PKHD1: variants seen among roughly 807,000 people sequenced by gnomAD.
PKHD1 encodes PKHD1 ciliary IPT domain containing fibrocystin/polyductin.
PKHD1 carries 291 observed loss-of-function variants against 412.0 expected under a neutral mutation model. That is an observed-to-expected ratio of 0.71 (90% CI 0.64 to 0.78). PKHD1 has a LOEUF of 0.78. Ranked by LOEUF, PKHD1 falls within the 30% of genes least tolerant of loss-of-function variation. The probability of loss-of-function intolerance (pLI) is 0.00; values close to 1 mark genes in which losing one functional copy is unlikely to be tolerated. For synonymous variants in PKHD1, 1,777 were observed against 1,821.5 expected (o/e 0.98, Z 0.62); for missense variants, 4,825 against 4,950.7 (o/e 0.97, Z 0.76).
At chr6:51,748,955 G>A (rs1785634574) in intron 57 of PKHD1, among the ~76,000 whole-genome samples, 1 of 152,140 alleles carries the variant, frequency 6.6e-6, no homozygotes, top group South Asian at 2.1e-4. Context: ...GCATGGCCAA[G>A]TTTAACGATT....
chr6:51,908,019 T>A (rs1483808751), intron 40 of PKHD1, among the ~76,000 whole-genome samples: 1 of 152,124 alleles, frequency 6.6e-6, no homozygotes, highest in Non-Finnish European at 1.5e-5. Flanking sequence ...AATTGATAAC[T>A]TATTTGTGAC....
intron 50 of PKHD1, among the ~76,000 whole-genome samples, chr6:51,843,566 T>A (rs990113762): frequency 2.8e-4 from 43 of 152,218 alleles, no homozygotes; most frequent in African/African-American, 1.0e-3. Flanking sequence ...TCAAATCGCA[T>A]GAAGGGAAAA....
intron 37 of PKHD1, among the ~76,000 whole-genome samples, chr6:51,928,830 G>A (rs6939222): frequency 7.2e-5 from 11 of 151,982 alleles, no homozygotes; most frequent in South Asian, 4.1e-4. Flanking sequence ...GTGGACATTC[G>A]GACCCTTGAA....
chr6:51,771,668 A>T (rs2151131317), intron 55 of PKHD1, among the ~76,000 whole-genome samples: 1 of 152,118 alleles, frequency 6.6e-6, no homozygotes, highest in South Asian at 2.1e-4. Context: ...TTACACTATA[A>T]TATTTAAATT....
At chr6:51,744,672 A>G (rs1784973923) in intron 59 of PKHD1, 130 bp from the exon 60 acceptor site, 1 of 702,302 alleles carries the variant, frequency 1.4e-6, no homozygotes, top group Non-Finnish European at 2.5e-6. Context: ...TGTTACATAG[A>G]TATAAAATAA....
rs182024652 is a variant in PKHD1, at chr6:51,705,945, A to G, written c.10156+38440T>C. 6.6e-5 allele frequency among the ~76,000 whole-genome samples: 10 copies of G among 152,306 alleles called. No homozygotes were observed. The East Asian group carries it at 1.5e-3, about 23-fold the overall frequency. The stretch of plus-strand genomic sequence containing the variant: ...TTATACACAGAGTATCAATTTTTAG[A>G]ATACAAATTCAATTAAATAAACTTA... On this transcript the variant is annotated intron_variant, in intron 60 of 66. Transcript: ENST00000371117.
chr6:51,870,737 G>A (rs1049578710), intron 46 of PKHD1, 98 bp from the exon 47 acceptor site: 17 of 966,104 alleles, frequency 1.8e-5, no homozygotes, highest in East Asian at 4.9e-5. Context: ...ATAAAAAAGC[G>A]AGCTATTGAC....
chr6:52,051,390 T>C (rs765621141), intron 21 of PKHD1, among the ~76,000 whole-genome samples: 4 of 152,234 alleles, frequency 2.6e-5, no homozygotes, highest in Non-Finnish European at 5.9e-5. Context: ...TGAGATCAGA[T>C]AAATGATATA....
Position 51,807,437 on chromosome 6 carries a change from CAAAAAAA to C in PKHD1, c.8303-16071_8303-16065del, listed in dbSNP as rs1174429085. On this transcript the variant is annotated intron_variant, in intron 52 of 66. Transcript: ENST00000371117. Reference sequence around the variant, plus strand: ...TGGGCAACAGAGCGAGACTCTGTCTCAAAAAAAAAAAAAAAAAAAAAATATATATATA... The same window carrying C: ...TGGGCAACAGAGCGAGACTCTGTCTCAAAAAAAAAAAAAAATATATATATA... 5.9e-3 allele frequency among the ~76,000 whole-genome samples: 232 copies of C among 39,070 alleles called. 2 individuals are homozygous for C. Among genetic ancestry groups the C allele is most frequent in the African/African-American group, 0.013 (142 of 10,928 alleles). The allele number at this position is 39,070 out of a possible 152,430, so 25.6% of individuals were successfully genotyped here.
chr6:51,881,991 C>T (rs1377774852), intron 46 of PKHD1, among the ~76,000 whole-genome samples: 2 of 152,170 alleles, frequency 1.3e-5, no homozygotes, highest in Non-Finnish European at 2.9e-5. Context: ...TCATAATTTA[C>T]ATCTTAATTT....
At chr6:51,807,526 C>CGTGT (rs1764037069) in intron 52 of PKHD1, among the ~76,000 whole-genome samples, 1 of 74,314 alleles carries the variant, frequency 1.3e-5, no homozygotes, top group Non-Finnish European at 2.6e-5. Context: ...TGTGTGTATC[C>CGTGT]ATCTATATGA....
At chr6:51,726,262 T>C (rs1039445444) in intron 60 of PKHD1, among the ~76,000 whole-genome samples, 6 of 152,178 alleles carry the variant, frequency 3.9e-5, no homozygotes, top group African/African-American at 1.4e-4. Flanking sequence ...CAGGGGCAAT[T>C]GGTGGATGAG....
intron 64 of PKHD1, among the ~76,000 whole-genome samples, chr6:51,638,430 C>T (rs1768871807): frequency 6.6e-6 from 1 of 151,992 alleles, no homozygotes; most frequent in East Asian, 1.9e-4. Context: ...TCTGAAGTGC[C>T]AGGATGTTGA....
intron 60 of PKHD1, among the ~76,000 whole-genome samples, chr6:51,673,843 G>A (rs578043487): frequency 6.6e-6 from 1 of 152,332 alleles, no homozygotes; most frequent in Admixed American, 6.5e-5. Context: ...CTAGGTTCCA[G>A]TTGAGGTAAA....
intron 51 of PKHD1, among the ~76,000 whole-genome samples, chr6:51,833,169 TG>T (rs1768569468): frequency 6.6e-6 from 1 of 151,836 alleles, no homozygotes; most frequent in African/African-American, 2.4e-5. Flanking sequence ...AAGCAATGAT[TG>T]TTCTCTAAAA....
intron 40 of PKHD1, among the ~76,000 whole-genome samples, chr6:51,907,105 T>A (rs1782220818): frequency 6.6e-6 from 1 of 152,130 alleles, no homozygotes; most frequent in East Asian, 1.9e-4. Flanking sequence ...TGCATTCATG[T>A]ATTTGCATTC....
At chr6:51,839,559 G>C (rs1641090339) in intron 50 of PKHD1, among the ~76,000 whole-genome samples, 2 of 152,134 alleles carry the variant, frequency 1.3e-5, no homozygotes, top group African/African-American at 4.8e-5. Context: ...AAGTAGATGT[G>C]ATACGAGGTC....
chr6:51,645,574 A>C (rs1437896348), intron 63 of PKHD1, among the ~76,000 whole-genome samples: 2 of 152,014 alleles, frequency 1.3e-5, no homozygotes, highest in African/African-American at 2.4e-5. Context: ...TTGCATTTTT[A>C]GTAGAGACGG....
chr6:51,810,627 T>G (rs1182207171), intron 52 of PKHD1, among the ~76,000 whole-genome samples: 1 of 152,112 alleles, frequency 6.6e-6, no homozygotes, highest in Non-Finnish European at 1.5e-5. Flanking sequence ...CTCTGCTCAC[T>G]CACCCTTAGC....
Sources: gnomAD v4.1 joint callset for allele counts (sites outside exome capture counted in the v4.1 genomes callset) on GRCh38, gnomAD v4.1.1 for gene constraint, MANE v1.5 for transcripts, NCBI Gene and HGNC (gene_info 2026-07-23, HGNC 2026-07-21) for gene names.